Variants in BTBD9 observed in about 807,000 individuals in gnomAD.
BTBD9 encodes the protein BTB/POZ domain-containing protein 9.
A neutral mutation model predicts 64.3 loss-of-function variants in BTBD9; 49 were observed. The ratio of observed to expected loss-of-function variants is 0.76; its 90% confidence interval spans 0.61 to 0.97. BTBD9 has a LOEUF of 0.97. Ranked by LOEUF, BTBD9 falls within the 50% of genes least tolerant of loss-of-function variation. The pLI is 0.00. For synonymous variants in BTBD9, 260 were observed against 274.7 expected (o/e 0.95, Z 0.53); for missense variants, 598 against 762.1 (o/e 0.78, Z 2.53).
At chr6:38,307,109 C>T (rs948532366) in intron 7 of BTBD9, among the ~76,000 whole-genome samples, 1 of 152,200 alleles carries the variant, frequency 6.6e-6, no homozygotes, top group Non-Finnish European at 1.5e-5. Context: ...GGAGGAAACA[C>T]ACCAGTGGCC....
intron 6 of BTBD9, among the ~76,000 whole-genome samples, chr6:38,549,341 A>C (rs960449721): frequency 7.9e-5 from 12 of 152,336 alleles, no homozygotes; most frequent in African/African-American, 2.9e-4. Flanking sequence ...AGAAGCACTC[A>C]AGATATATTA....
chr6:38,634,040 A>G (rs1332134835), intron 1 of BTBD9, among the ~76,000 whole-genome samples: 1 of 152,222 alleles, frequency 6.6e-6, no homozygotes, highest in Admixed American at 6.5e-5. Context: ...TATGCCCAGC[A>G]CTTCACACGA....
At chr6:38,409,768 G>T (rs1767329213) in intron 6 of BTBD9, among the ~76,000 whole-genome samples, 4 of 152,076 alleles carry the variant, frequency 2.6e-5, no homozygotes, top group Admixed American at 2.0e-4. Flanking sequence ...AGGTTGCAGT[G>T]AGCCGAGATC....
rs1285232019 is a variant in BTBD9 at position 38,625,019 on chromosome 6, T to C, written c.-28+14781A>G. ...AATGGACTTAGGTTTGAAAGCTTCA[T>C]AATTTCCCTTTTGTCCTTCTCCTCC... On this transcript the variant is annotated intron_variant, in intron 1 of 10. Transcript: ENST00000481247. 9.2e-5 allele frequency among the ~76,000 whole-genome samples: 14 copies of C among 152,240 alleles called. No individual in the cohort carries two copies. In the South Asian group the frequency reaches 1.4e-3, roughly 16 times the overall value.
intron 6 of BTBD9, among the ~76,000 whole-genome samples, chr6:38,506,588 A>G (rs1772528504): frequency 6.6e-6 from 1 of 152,220 alleles, no homozygotes; most frequent in African/African-American, 2.4e-5. Flanking sequence ...CATCATTGTA[A>G]CACCAAAACT....
At chr6:38,275,776 T>G (rs576037543) in intron 8 of BTBD9, among the ~76,000 whole-genome samples, 58 of 152,094 alleles carry the variant, frequency 3.8e-4, no homozygotes, top group South Asian at 1.2e-3. Flanking sequence ...ATCAGAGAAA[T>G]GCAAATCAAA....
chr6:38,364,483 G>A (rs1470374082), intron 6 of BTBD9, among the ~76,000 whole-genome samples: 1 of 152,162 alleles, frequency 6.6e-6, no homozygotes, highest in Non-Finnish European at 1.5e-5. Flanking sequence ...AACAAGAGTT[G>A]TGTTTTATGA....
At chr6:38,580,143 A>G in intron 5 of BTBD9, 75 bp downstream of exon 5, 1 of 1,412,024 alleles carries the variant, frequency 7.1e-7, no homozygotes, top group Non-Finnish European at 9.8e-7. Flanking sequence ...CATATCTGTA[A>G]AACAAAAGTA....
chr6:38,463,071 C>T (rs1342143876), intron 6 of BTBD9, among the ~76,000 whole-genome samples: 1 of 152,212 alleles, frequency 6.6e-6, no homozygotes, highest in Non-Finnish European at 1.5e-5. Flanking sequence ...GCTGGGATTA[C>T]AGGCATGAGC....
At chr6:38,256,821 TCTC>T (rs1368353156) in intron 8 of BTBD9, among the ~76,000 whole-genome samples, 2 of 152,188 alleles carry the variant, frequency 1.3e-5, no homozygotes, top group Non-Finnish European at 2.9e-5. Context: ...TTCTTCTAGC[TCTC>T]CTCTCCAGTT....
At chr6:38,188,369 C>T (rs1179176700) in intron 10 of BTBD9, among the ~76,000 whole-genome samples, 1 of 152,348 alleles carries the variant, frequency 6.6e-6, no homozygotes, top group East Asian at 1.9e-4. Flanking sequence ...CTTGAATGCT[C>T]TTCCATAGGA....
intron 1 of BTBD9, among the ~76,000 whole-genome samples, chr6:38,624,033 G>A (rs1216722904): frequency 6.6e-6 from 1 of 152,190 alleles, no homozygotes; most frequent in African/African-American, 2.4e-5. Context: ...TTAGAGGGGG[G>A]ATTGAGAGGT....
intron 6 of BTBD9, among the ~76,000 whole-genome samples, chr6:38,404,551 T>TA (rs57591044): frequency 5.3e-5 from 8 of 150,810 alleles, no homozygotes; most frequent in South Asian, 2.1e-4. Context: ...AGCAAGTCAA[T>TA]AAAAAAAAAC....
Position 38,580,074 on chromosome 6 carries a change from C to T in BTBD9, c.1034+144G>A, listed in dbSNP as rs547342620. 6 of 685,248 alleles carry T rather than the reference C, an allele frequency of 8.8e-6. 1 individual carries two copies. The South Asian group carries it at 9.0e-5, about 10-fold the overall frequency. 42.4% of individuals were successfully genotyped at this position (685,248 alleles called of 1,614,324 possible). A position where few individuals can be genotyped will look rare whatever the true frequency, so the allele number is the denominator to read the frequency against. On this transcript the variant is annotated intron_variant, in intron 5 of 10. Coordinates refer to ENST00000481247, the MANE Select transcript of BTBD9 (RefSeq NM_001099272.2). ...TCTTTTAAAGAAATATATCCTTTAA[C>T]TCCTTCCCCAAAACCAACCTTCAAG...
At chr6:38,633,818 G>A (rs1009683039) in intron 1 of BTBD9, among the ~76,000 whole-genome samples, 4 of 151,176 alleles carry the variant, frequency 2.6e-5, no homozygotes, top group Admixed American at 6.6e-5. Context: ...ATCTCTATAC[G>A]CGTCATGGCC....
At chr6:38,370,832 G>A (rs1489734969) in intron 6 of BTBD9, among the ~76,000 whole-genome samples, 1 of 152,186 alleles carries the variant, frequency 6.6e-6, no homozygotes, top group Admixed American at 6.5e-5. Flanking sequence ...CGGAGTCATG[G>A]GTTTCCCTGG....
At chr6:38,376,538 T>A (rs1193535716) in intron 6 of BTBD9, among the ~76,000 whole-genome samples, 1 of 152,122 alleles carries the variant, frequency 6.6e-6, no homozygotes, top group Non-Finnish European at 1.5e-5. Context: ...AGATAAACAT[T>A]CAAGTTAAAC....
At chr6:38,238,228 G>A (rs1763858032) in intron 9 of BTBD9, among the ~76,000 whole-genome samples, 1 of 152,200 alleles carries the variant, frequency 6.6e-6, no homozygotes, top group Non-Finnish European at 1.5e-5. Context: ...ACCCTCAGGA[G>A]GTCCTGAGAA....
At chr6:38,548,318 C>T (rs1774646614) in intron 6 of BTBD9, among the ~76,000 whole-genome samples, 1 of 152,190 alleles carries the variant, frequency 6.6e-6, no homozygotes, top group Non-Finnish European at 1.5e-5. Context: ...GTGAAGGCGG[C>T]ATGAAGTATG....
Sources: gnomAD v4.1 joint callset for allele counts (sites outside exome capture counted in the v4.1 genomes callset) on GRCh38, gnomAD v4.1.1 for gene constraint, MANE v1.5 for transcripts, NCBI Gene and HGNC (gene_info 2026-07-23, HGNC 2026-07-21) for gene names.